LHPP: variants seen among roughly 807,000 people sequenced by gnomAD.
The protein encoded by LHPP is hLHPP.
A neutral mutation model predicts 30.3 loss-of-function variants in LHPP; 24 were observed. The observed-to-expected ratio is 0.79, with a 90% confidence interval of 0.57 to 1.11. LHPP has a LOEUF of 1.11. Among genes scored for constraint, LHPP ranks in the 50% most tolerant of loss-of-function variants. The probability of loss-of-function intolerance (pLI) is 0.00; values close to 1 mark genes in which losing one functional copy is unlikely to be tolerated. For synonymous variants in LHPP, 150 were observed against 157.1 expected (o/e 0.95, Z 0.34); for missense variants, 356 against 367.2 (o/e 0.97, Z 0.25).
At chr10:124,528,947 A>G (rs1455858911) in intron 6 of LHPP, among the ~76,000 whole-genome samples, 1 of 151,830 alleles carries the variant, frequency 6.6e-6, no homozygotes, top group African/African-American at 2.4e-5. Flanking sequence ...TGGGGCCACC[A>G]CATAACACTT....
chr10:124,549,066 T>G lies in LHPP; in HGVS notation c.716+31795T>G, dbSNP rs142595534. On this transcript the variant is annotated intron_variant, in intron 6 of 6. Transcript: ENST00000368842. ...TTGTGGTTAGACCTGAATGGGAACT[T>G]GTAAGTCTAAAGTGAAAATCTAATT... Among the ~76,000 whole-genome samples, 318 of 152,330 alleles carry G rather than the reference T, an allele frequency of 2.1e-3. 2 individuals carry two copies. The highest frequency in any genetic ancestry group is 7.2e-3 in the African/African-American group (301 of 41,578).
At chr10:124,551,964 A>T (rs1337765918) in intron 6 of LHPP, among the ~76,000 whole-genome samples, 1 of 152,140 alleles carries the variant, frequency 6.6e-6, no homozygotes, top group African/African-American at 2.4e-5. Context: ...CCTCAGGCCC[A>T]TCACAGCCTC....
intron 6 of LHPP, among the ~76,000 whole-genome samples, chr10:124,547,908 C>G (rs1347394401): frequency 1.3e-5 from 2 of 152,220 alleles, no homozygotes; most frequent in Admixed American, 6.5e-5. Context: ...GCCACACTGT[C>G]CCTTTAGAAT....
chr10:124,532,359 T>C (rs1322157489), intron 6 of LHPP, among the ~76,000 whole-genome samples: 1 of 152,214 alleles, frequency 6.6e-6, no homozygotes, highest in African/African-American at 2.4e-5. Context: ...AAGATGCGCA[T>C]GGTATGCAGG....
intron 5 of LHPP, chr10:124,498,614 C>A: frequency 1.4e-6 from 1 of 736,748 alleles, no homozygotes; most frequent in Non-Finnish European, 2.2e-6. Flanking sequence ...TACCCCAACC[C>A]TAAGTGAGTC....
chr10:124,603,012 G>A (rs1949044725), intron 6 of LHPP, among the ~76,000 whole-genome samples: 1 of 152,166 alleles, frequency 6.6e-6, no homozygotes, highest in East Asian at 1.9e-4. Flanking sequence ...GACAGGGCAG[G>A]GTGGGGTGTG....
intron 6 of LHPP, among the ~76,000 whole-genome samples, chr10:124,594,704 C>G (rs61870250): frequency 0.14 from 21,020 of 151,118 alleles, 1,897 homozygotes; most frequent in Non-Finnish European, 0.2. Flanking sequence ...GATCTCAGCT[C>G]ACTGCAACCT....
At chr10:124,488,643 G>A (rs896488404) in intron 3 of LHPP, 68 bp downstream of exon 3, 19 of 1,444,266 alleles carry the variant, frequency 1.3e-5, no homozygotes, top group African/African-American at 2.9e-5. Flanking sequence ...TCCAACTTGC[G>A]GAATCAGGCA....
At position 124,510,539 on chromosome 10, in the gene LHPP, C is replaced by T. The variant is rs1954272389; in HGVS notation, c.625-6641C>T. Among the ~76,000 whole-genome samples the T allele has an allele frequency of 6.6e-6, 1 of 152,248 alleles. No individual in the cohort carries two copies. Among genetic ancestry groups the T allele is most frequent in the Non-Finnish European group, 1.5e-5 (1 of 68,050 alleles). Reference sequence around the variant, plus strand: ...TCTTCCTCCAAGAGACCACGTTCCTCTGGTCCTGTCTCCGTGGGCCACATC... The same window carrying T: ...TCTTCCTCCAAGAGACCACGTTCCTTTGGTCCTGTCTCCGTGGGCCACATC... On this transcript the variant is annotated intron_variant, in intron 5 of 6. Transcript: ENST00000368842. This position sits in a 1 kb window ranked among gnomAD's most constrained non-coding sequence, Gnocchi z 4.0.
intron 6 of LHPP, among the ~76,000 whole-genome samples, chr10:124,586,050 CT>C (rs1476268703): frequency 7.3e-5 from 11 of 151,502 alleles, no homozygotes; most frequent in Non-Finnish European, 1.5e-4. Flanking sequence ...TCCCAAAGTG[CT>C]GGGATTACAG....
At chr10:124,513,086 G>A (rs764853459) in intron 5 of LHPP, among the ~76,000 whole-genome samples, 16 of 151,876 alleles carry the variant, frequency 1.1e-4, no homozygotes, top group Non-Finnish European at 2.1e-4. Context: ...TTGTTTGTTT[G>A]TTTGTTTGTT....
At chr10:124,499,452 T>C (rs1364509901) in intron 5 of LHPP, among the ~76,000 whole-genome samples, 1 of 151,726 alleles carries the variant, frequency 6.6e-6, no homozygotes, top group Admixed American at 6.5e-5. Context: ...GAGACCAGCC[T>C]GGCCAATGTG....
At chr10:124,490,291 C>T (rs1197312109) in intron 3 of LHPP, 2 of 211,228 alleles carry the variant, frequency 9.5e-6, no homozygotes, top group Non-Finnish European at 9.8e-6. Context: ...GTCTCCAGAC[C>T]GCTGTGGCAT....
chr10:124,500,467 A>C (rs1289163177), intron 5 of LHPP, among the ~76,000 whole-genome samples: 2 of 151,914 alleles, frequency 1.3e-5, no homozygotes, highest in African/African-American at 4.9e-5. Context: ...GTGAGACTCT[A>C]TTTCCAAGTA....
rs147556885 is a variant in LHPP at position 124,488,447 on chromosome 10, C to T, written c.339C>T (p.Ile113=). 1.5e-4 allele frequency: 244 copies of T among 1,613,972 alleles called. No individual in the cohort carries two copies. The African/African-American group carries it at 1.7e-3, about 12-fold the overall frequency. Residue 113 remains isoleucine, a synonymous_variant, in exon 3 of 7, where the codon ATC becomes ATT. Coordinates refer to ENST00000368842, the MANE Select transcript of LHPP (RefSeq NM_022126.4). ...GAGTCCGCTCAGAATTTGATCAGATCGACACATCCAACCCAAACTGTGTGG... is the reference window on the plus strand; with the variant it reads ...GAGTCCGCTCAGAATTTGATCAGATTGACACATCCAACCCAAACTGTGTGG... The part of the protein sequence containing the change: ...HDGVRSEFDQ[I]DTSNPNCVVI...
intron 3 of LHPP, chr10:124,490,108 TTGTCTCTGTCTGTGGG>T (rs1405560385): frequency 5.8e-6 from 1 of 171,422 alleles, no homozygotes; most frequent in East Asian, 1.8e-4. Context: ...CTGTCTGTGG[TTGTCTCTGTCTGTGGG>T]TGTCTCTCTG....
At chr10:124,472,560 CT>C (rs1344794719) in intron 1 of LHPP, among the ~76,000 whole-genome samples, 2,707 of 141,500 alleles carry the variant, frequency 0.019, 53 homozygotes, top group African/African-American at 0.055. Flanking sequence ...TATAAACTTA[CT>C]TTTTTTTTTT....
At chr10:124,556,213 G>A (rs1948296719) in intron 6 of LHPP, among the ~76,000 whole-genome samples, 2 of 152,224 alleles carry the variant, frequency 1.3e-5, no homozygotes, top group Non-Finnish European at 2.9e-5. Context: ...TGATGCCGCT[G>A]GGTGTCCACC....
intron 6 of LHPP, among the ~76,000 whole-genome samples, chr10:124,530,469 T>C (rs780260869): frequency 1.5e-4 from 23 of 151,578 alleles, no homozygotes; most frequent in Non-Finnish European, 2.4e-4. Flanking sequence ...CCCCACAGGT[T>C]CTCAGGCCCA....
Sources: allele counts gnomAD v4.1 joint callset (sites outside exome capture counted in the v4.1 genomes callset), GRCh38; gene constraint gnomAD v4.1.1; non-coding constraint Gnocchi (gnomAD v3.1); transcripts MANE v1.5; gene names NCBI Gene and HGNC (gene_info 2026-07-23, HGNC 2026-07-21).